The following LRP1B variants were observed in gnomAD, a reference collection of about 807,000 sequenced individuals.
LRP1B encodes LDL receptor related protein 1B, also known as low-density lipoprotein receptor-related protein 1B.
Under a neutral mutation model 556.6 loss-of-function variants are expected in LRP1B, and 217 were observed. That is an observed-to-expected ratio of 0.39 (90% CI 0.35 to 0.44). LRP1B has a LOEUF of 0.44. Among genes scored for constraint, LRP1B ranks in the 20% least tolerant of loss-of-function variants. The pLI is 1.00. For synonymous variants in LRP1B, 2,047 were observed against 1,865.8 expected (o/e 1.10, Z -2.50); for missense variants, 5,053 against 5,620.8 (o/e 0.90, Z 3.23).
intron 7 of LRP1B, among the ~76,000 whole-genome samples, chr2:141,114,929 T>C (rs549628777): frequency 2.0e-5 from 3 of 152,140 alleles, no homozygotes; most frequent in African/African-American, 7.2e-5. Context: ...CTCTCCTTGA[T>C]TCTATTAAAA....
intron 1 of LRP1B, among the ~76,000 whole-genome samples, chr2:142,043,219 C>T (rs1704123691): frequency 6.6e-6 from 1 of 151,600 alleles, no homozygotes; most frequent in Non-Finnish European, 1.5e-5. Flanking sequence ...TATCCAGATA[C>T]ATCATATTCT....
chr2:141,292,571 C>T (rs185485564), intron 3 of LRP1B, among the ~76,000 whole-genome samples: 134 of 152,170 alleles, frequency 8.8e-4, no homozygotes, highest in South Asian at 2.1e-3. Flanking sequence ...AAGTCTATAT[C>T]GAAAATCATA....
chr2:140,283,586 G>A (rs1006537949), intron 84 of LRP1B, among the ~76,000 whole-genome samples: 9 of 151,758 alleles, frequency 5.9e-5, no homozygotes, highest in Admixed American at 3.3e-4. Context: ...CCAGGGAGAT[G>A]GAAAATGTAA....
At chr2:141,391,781 GACAA>G (rs1270755474) in intron 3 of LRP1B, among the ~76,000 whole-genome samples, 1 of 152,072 alleles carries the variant, frequency 6.6e-6, no homozygotes, top group Non-Finnish European at 1.5e-5. Flanking sequence ...AGAAGTAGAA[GACAA>G]ACAGATTTTA....
At chr2:141,519,587 T>C (rs1684462259) in intron 2 of LRP1B, among the ~76,000 whole-genome samples, 1 of 151,834 alleles carries the variant, frequency 6.6e-6, no homozygotes, top group Admixed American at 6.6e-5. Context: ...TCACTCTTAT[T>C]GACTTGAGAT....
intron 2 of LRP1B, among the ~76,000 whole-genome samples, chr2:141,647,240 C>A (rs1279641758): frequency 6.6e-6 from 1 of 152,204 alleles, no homozygotes; most frequent in African/African-American, 2.4e-5. Flanking sequence ...AAATGGCATT[C>A]TAGTCAATCT....
chr2:141,052,013 TC>T (rs1454661837), intron 10 of LRP1B, among the ~76,000 whole-genome samples: 1 of 152,046 alleles, frequency 6.6e-6, no homozygotes, highest in Non-Finnish European at 1.5e-5. Context: ...TGAACCATTA[TC>T]TTAAGCCTTG....
chr2:140,943,054 G>A (rs897452880), intron 20 of LRP1B, among the ~76,000 whole-genome samples: 1 of 152,046 alleles, frequency 6.6e-6, no homozygotes, highest in Admixed American at 6.6e-5. Context: ...CCCATGTAAT[G>A]AGACACATAG....
At chr2:141,423,821 CT>C (rs1230667839) in intron 3 of LRP1B, among the ~76,000 whole-genome samples, 2 of 92,018 alleles carry the variant, frequency 2.2e-5, no homozygotes, top group African/African-American at 6.0e-5. Flanking sequence ...TTTTCCCTGT[CT>C]ATTAAAAAAA....
chr2:141,965,585 G>A (rs1701533862), intron 1 of LRP1B, among the ~76,000 whole-genome samples: 1 of 99,698 alleles, frequency 1.0e-5, no homozygotes, highest in Non-Finnish European at 2.0e-5. Flanking sequence ...ATCACACTCT[G>A]GGGACTGTGG....
intron 3 of LRP1B, among the ~76,000 whole-genome samples, chr2:141,284,002 G>T (rs1351520271): frequency 6.6e-6 from 1 of 152,116 alleles, no homozygotes; most frequent in African/African-American, 2.4e-5. Flanking sequence ...TAAGCAGGAG[G>T]TGGCACAGTC....
At chr2:141,129,716 T>C (rs1436961732) in intron 7 of LRP1B, among the ~76,000 whole-genome samples, 1 of 152,022 alleles carries the variant, frequency 6.6e-6, no homozygotes, top group African/African-American at 2.4e-5. Flanking sequence ...AAAAATATTT[T>C]ATAAGCAGGA....
chr2:140,359,074 AC>A, intron 72 of LRP1B, 128 bp from the exon 73 acceptor site: 1 of 840,486 alleles, frequency 1.2e-6, no homozygotes. Flanking sequence ...TTTTGTTGTG[AC>A]AATTGCCTAC....
chr2:141,947,227 T>G (rs1038153305), intron 1 of LRP1B, among the ~76,000 whole-genome samples: 3 of 151,954 alleles, frequency 2.0e-5, no homozygotes, highest in African/African-American at 4.8e-5. Flanking sequence ...AATTCAGGAG[T>G]TGGAGACCAG....
intron 13 of LRP1B, 93 bp from the exon 14 acceptor site, chr2:141,013,838 GATA>G (rs1697825160): frequency 1.6e-6 from 1 of 633,660 alleles, no homozygotes; most frequent in Non-Finnish European, 2.5e-6. Flanking sequence ...AAGTATAACA[GATA>G]ATAATCTCAT....
chr2:141,707,512 G>C (rs2105472302), intron 2 of LRP1B, among the ~76,000 whole-genome samples: 1 of 152,190 alleles, frequency 6.6e-6, no homozygotes, highest in Admixed American at 6.6e-5. Context: ...AGGGATTTGG[G>C]GCATCAGAGA....
chr2:141,261,314 A>C (rs1403176766), intron 3 of LRP1B, among the ~76,000 whole-genome samples: 1 of 152,192 alleles, frequency 6.6e-6, no homozygotes, highest in Non-Finnish European at 1.5e-5. Context: ...TAGAGCAGCG[A>C]GGCAATGCTT....
At chr2:141,109,076 G>A (rs1700683058) in intron 7 of LRP1B, among the ~76,000 whole-genome samples, 1 of 152,158 alleles carries the variant, frequency 6.6e-6, no homozygotes. Context: ...GATTGGTCTT[G>A]TAAGATGTCT....
intron 3 of LRP1B, among the ~76,000 whole-genome samples, chr2:141,323,598 C>T (rs1687320910): frequency 6.6e-6 from 1 of 152,036 alleles, no homozygotes; most frequent in Non-Finnish European, 1.5e-5. Context: ...ATCCTGAAAA[C>T]CTTGTCAAAA....
Sources: gnomAD v4.1 joint callset for allele counts (sites outside exome capture counted in the v4.1 genomes callset) on GRCh38, gnomAD v4.1.1 for gene constraint, MANE v1.5 for transcripts, NCBI Gene and HGNC (gene_info 2026-07-23, HGNC 2026-07-21) for gene names.